SOX5: variants seen among roughly 807,000 people sequenced by gnomAD.
SOX5 encodes transcription factor SOX-5.
Under a neutral mutation model 92.0 loss-of-function variants are expected in SOX5, and 9 were observed. The observed-to-expected ratio is 0.10, with a 90% confidence interval of 0.06 to 0.17. SOX5 has a LOEUF of 0.17. Ranked by LOEUF, SOX5 falls within the 10% of genes least tolerant of loss-of-function variation. The pLI, the probability that SOX5 is intolerant of heterozygous loss-of-function variation, is 1.00. For synonymous variants in SOX5, 344 were observed against 336.3 expected (o/e 1.02, Z -0.25); for missense variants, 642 against 944.5 (o/e 0.68, Z 4.20).
chr12:24,266,093 TGGTGGAGATGG>T (rs1942983526), intron 3 of SOX5, among the ~76,000 whole-genome samples: 1 of 147,752 alleles, frequency 6.8e-6, no homozygotes. Context: ...TGTTTTATTT[TGGTGGAGATGG>T]GGTTTCACCA....
intron 1 of SOX5, among the ~76,000 whole-genome samples, chr12:24,547,552 T>C (rs1952765567): frequency 6.6e-6 from 1 of 152,208 alleles, no homozygotes; most frequent in Admixed American, 6.5e-5. Flanking sequence ...AAACACAGAA[T>C]TGAAAGCAGT....
chr12:23,917,871 G>C (rs1471419576), intron 1 of SOX5, among the ~76,000 whole-genome samples: 1 of 152,144 alleles, frequency 6.6e-6, no homozygotes, highest in Non-Finnish European at 1.5e-5. Context: ...AGTACAACAT[G>C]TTGGGAAATG....
intron 1 of SOX5, among the ~76,000 whole-genome samples, chr12:24,435,459 A>G (rs1939227502): frequency 6.6e-6 from 1 of 152,246 alleles, no homozygotes; most frequent in Non-Finnish European, 1.5e-5. Flanking sequence ...CTCACTAATT[A>G]CATGCTTCTA....
intron 2 of SOX5, among the ~76,000 whole-genome samples, chr12:24,337,031 T>C (rs1951994027): frequency 6.6e-6 from 1 of 152,128 alleles, no homozygotes; most frequent in African/African-American, 2.4e-5. Context: ...GAAAGGAAAT[T>C]AAGAGTATGA....
At chr12:23,745,518 A>G (rs1213091777) in intron 4 of SOX5, among the ~76,000 whole-genome samples, 1 of 152,136 alleles carries the variant, frequency 6.6e-6, no homozygotes, top group African/African-American at 2.4e-5. Flanking sequence ...GGTCCTTCAA[A>G]ATATCACCTA....
In SOX5 at chr12:23,600,542, TATATATATATAC is replaced by T. The variant is rs1477808614; in HGVS notation, c.1164+3833_1164+3844del. Reference sequence around the variant, plus strand: ...GGGTGCATATATATATATATATATATATATATATATACACATACTTGGCTTGGGACTAAAAAA... The same window carrying T: ...GGGTGCATATATATATATATATATATACATACTTGGCTTGGGACTAAAAAA... On this transcript the variant is annotated intron_variant, in intron 9 of 14. Transcript: ENST00000451604. Among the ~76,000 whole-genome samples the T allele has an allele frequency of 2.0e-3, 246 of 123,324 alleles. 8 individuals carry two copies. Among genetic ancestry groups the T allele is most frequent in the African/African-American group, 6.7e-3 (230 of 34,340 alleles). The allele number at this position is 123,324 out of a possible 152,430, so 80.9% of individuals were successfully genotyped here.
At chr12:23,861,342 C>T (rs2096755666) in intron 2 of SOX5, among the ~76,000 whole-genome samples, 1 of 152,096 alleles carries the variant, frequency 6.6e-6, no homozygotes, top group Non-Finnish European at 1.5e-5. Flanking sequence ...GTTGTGACTA[C>T]AGGTGACAGT....
At chr12:23,908,358 T>A (rs11047155) in intron 1 of SOX5, among the ~76,000 whole-genome samples, 8 of 151,820 alleles carry the variant, frequency 5.3e-5, no homozygotes, top group Non-Finnish European at 8.8e-5. Context: ...AGTAGTCCAA[T>A]GAAGAGAAAT....
chr12:23,594,230 G>T (rs551740092), intron 9 of SOX5, among the ~76,000 whole-genome samples: 2 of 151,032 alleles, frequency 1.3e-5, no homozygotes, highest in Non-Finnish European at 2.9e-5. Flanking sequence ...GAAGTATTCT[G>T]CGTTGAATCT....
At chr12:24,284,012 GGTTGGGT>G (rs2140438682) in intron 2 of SOX5, among the ~76,000 whole-genome samples, 1 of 152,322 alleles carries the variant, frequency 6.6e-6, no homozygotes, top group South Asian at 2.1e-4. Flanking sequence ...TAAAAAGTGT[GGTTGGGT>G]TAAATGGACG....
At chr12:24,371,436 T>C (rs999416415) in intron 1 of SOX5, among the ~76,000 whole-genome samples, 2 of 152,230 alleles carry the variant, frequency 1.3e-5, no homozygotes. Flanking sequence ...CTGTGTTGGA[T>C]TTCTGACCTT....
At chr12:24,519,160 G>C (rs2955487) in intron 1 of SOX5, among the ~76,000 whole-genome samples, 104,506 of 151,916 alleles carry the variant, frequency 0.69, 37,456 homozygotes, top group East Asian at 0.98. Context: ...TTTTTGCTAC[G>C]TGAATTTTTT....
At chr12:24,390,197 C>A (rs1272012877) in intron 1 of SOX5, among the ~76,000 whole-genome samples, 2 of 152,094 alleles carry the variant, frequency 1.3e-5, no homozygotes, top group African/African-American at 4.8e-5. Context: ...TTGTCAAGGT[C>A]CTTCCAATTA....
At chr12:24,065,645 CAAAAAAAAAAAAAA>C (rs71445983) in intron 4 of SOX5, among the ~76,000 whole-genome samples, 1 of 81,672 alleles carries the variant, frequency 1.2e-5, no homozygotes, top group South Asian at 4.3e-4. Context: ...GACTCCATCT[CAAAAAAAAAAAAAA>C]AAAAAAAGAA....
intron 4 of SOX5, among the ~76,000 whole-genome samples, chr12:23,995,138 T>C (rs946153674): frequency 6.6e-6 from 1 of 152,300 alleles, no homozygotes; most frequent in African/African-American, 2.4e-5. Context: ...ACTAACAAGA[T>C]TTGTGAGAGT....
At chr12:24,458,512 C>T (rs1006007730) in intron 1 of SOX5, among the ~76,000 whole-genome samples, 1 of 152,124 alleles carries the variant, frequency 6.6e-6, no homozygotes, top group African/African-American at 2.4e-5. Flanking sequence ...GATACCCGGC[C>T]ACATTCCACT....
chr12:23,962,101 G>T (rs1364435014), intron 4 of SOX5, among the ~76,000 whole-genome samples: 3 of 152,208 alleles, frequency 2.0e-5, no homozygotes, highest in South Asian at 4.1e-4. Flanking sequence ...TTACACTGAA[G>T]TGTGTAAAAA....
intron 1 of SOX5, among the ~76,000 whole-genome samples, chr12:24,405,919 G>A (rs534320639): frequency 3.6e-4 from 55 of 152,222 alleles, no homozygotes; most frequent in East Asian, 1.9e-3. Flanking sequence ...ATCTTTCCCT[G>A]AGACAGAGAC....
chr12:24,008,554 C>T (rs1952576591), intron 4 of SOX5, among the ~76,000 whole-genome samples: 1 of 152,002 alleles, frequency 6.6e-6, no homozygotes, highest in Non-Finnish European at 1.5e-5. Context: ...AAAAAAAATC[C>T]AAGCTCTTAA....
Sources: allele counts gnomAD v4.1 joint callset (sites outside exome capture counted in the v4.1 genomes callset), GRCh38; gene constraint gnomAD v4.1.1; transcripts MANE v1.5; gene names NCBI Gene and HGNC (gene_info 2026-07-23, HGNC 2026-07-21).